Variants in LDLRAD4 observed in about 807,000 individuals in gnomAD.
LDLRAD4 encodes low density lipoprotein receptor class A domain containing 4.
A neutral mutation model predicts 17.0 loss-of-function variants in LDLRAD4; 5 were observed. That is an observed-to-expected ratio of 0.29 (90% CI 0.15 to 0.62). The LOEUF is 0.62. LDLRAD4 is among the 20% of genes least tolerant of loss of function. The pLI is 0.84. For synonymous variants in LDLRAD4, 168 were observed against 171.8 expected, an observed-to-expected ratio of 0.98 and a Z score of 0.17; for missense variants, 340 against 424.7, an observed-to-expected ratio of 0.80 and a Z score of 1.75.
chr18:13,416,422 T>A (rs1233164109), intron 2 of LDLRAD4, among the ~76,000 whole-genome samples: 1 of 152,226 alleles, frequency 6.6e-6, no homozygotes, highest in Non-Finnish European at 1.5e-5. Context: ...GTTTAGTGGT[T>A]GGTGGTTCCA....
At chr18:13,304,858 G>A (rs926958527) in intron 1 of LDLRAD4, among the ~76,000 whole-genome samples, 2 of 152,248 alleles carry the variant, frequency 1.3e-5, no homozygotes, top group African/African-American at 4.8e-5. Flanking sequence ...AGATGACACA[G>A]CAGACGGAAG....
At chr18:13,417,495 C>T (rs1030444759) in intron 2 of LDLRAD4, among the ~76,000 whole-genome samples, 33 of 150,914 alleles carry the variant, frequency 2.2e-4, no homozygotes, top group South Asian at 4.2e-4. Context: ...TGCAGTGGCG[C>T]GATCTCGGCT....
intron 3 of LDLRAD4, among the ~76,000 whole-genome samples, chr18:13,478,453 C>A (rs1029272981): frequency 6.6e-6 from 1 of 152,198 alleles, no homozygotes; most frequent in African/African-American, 2.4e-5. Flanking sequence ...TGCCTAAAAT[C>A]CTTGCTTGGC....
At chr18:13,446,726 G>T (rs1015229284) in intron 3 of LDLRAD4, among the ~76,000 whole-genome samples, 2 of 152,232 alleles carry the variant, frequency 1.3e-5, no homozygotes, top group African/African-American at 4.8e-5. Flanking sequence ...CAGCATGGGG[G>T]CGGCTCTGTT....
chr18:13,359,247 G>A (rs2083517318), intron 1 of LDLRAD4, among the ~76,000 whole-genome samples: 1 of 152,212 alleles, frequency 6.6e-6, no homozygotes, highest in Non-Finnish European at 1.5e-5. Flanking sequence ...CACAGGAGAA[G>A]CAGCTGAGGA....
chr18:13,226,724 A>AAAATG (rs2041826266), intron 1 of LDLRAD4, among the ~76,000 whole-genome samples: 1 of 147,566 alleles, frequency 6.8e-6, no homozygotes, highest in Admixed American at 6.6e-5. Context: ...AAAATAAAAT[A>AAAATG]AAATAAAATA....
intron 3 of LDLRAD4, among the ~76,000 whole-genome samples, chr18:13,584,505 C>T (rs1012045181): frequency 6.6e-5 from 10 of 152,126 alleles, no homozygotes; most frequent in African/African-American, 2.4e-4. Context: ...AACAGGAGCT[C>T]ATCCGTGTTG....
At chr18:13,389,872 C>G (rs1459825602) in intron 2 of LDLRAD4, among the ~76,000 whole-genome samples, 1 of 152,210 alleles carries the variant, frequency 6.6e-6, no homozygotes, top group Admixed American at 6.5e-5. Flanking sequence ...GACAGTACCT[C>G]TCACATATTA....
intron 3 of LDLRAD4, among the ~76,000 whole-genome samples, chr18:13,573,197 C>T (rs781637914): frequency 7.9e-5 from 12 of 152,316 alleles, no homozygotes; most frequent in African/African-American, 1.7e-4. Context: ...CTCCGCCTCC[C>T]GGGTTGAAGC....
intron 3 of LDLRAD4, among the ~76,000 whole-genome samples, chr18:13,555,067 G>A (rs936110107): frequency 6.6e-6 from 1 of 152,142 alleles, no homozygotes; most frequent in African/African-American, 2.4e-5. Context: ...GGAGAATTCT[G>A]CAAAATACCT....
chr18:13,373,992 C>G (rs1217101380), intron 1 of LDLRAD4, among the ~76,000 whole-genome samples: 2 of 151,866 alleles, frequency 1.3e-5, no homozygotes, highest in African/African-American at 4.8e-5. Context: ...CATATTTCCA[C>G]CATGCAAACG....
intron 1 of LDLRAD4, among the ~76,000 whole-genome samples, chr18:13,272,467 T>C (rs2044617051): frequency 6.6e-6 from 1 of 152,204 alleles, no homozygotes; most frequent in Non-Finnish European, 1.5e-5. Flanking sequence ...GAAGAGACTT[T>C]CATTTCTATT....
At chr18:13,459,159 CAAAAAAAAAAAAA>C (rs534798084) in intron 3 of LDLRAD4, among the ~76,000 whole-genome samples, 3 of 53,736 alleles carry the variant, frequency 5.6e-5, no homozygotes, top group African/African-American at 1.2e-4. Flanking sequence ...ATCTCTACAC[CAAAAAAAAAAAAA>C]AAAAAAAAAA....
chr18:13,324,966 T>C (rs1214877070), intron 1 of LDLRAD4, among the ~76,000 whole-genome samples: 1 of 152,172 alleles, frequency 6.6e-6, no homozygotes, highest in East Asian at 1.9e-4. Flanking sequence ...GCGTCTCTTG[T>C]TCAGTAAATC....
chr18:13,643,415 A>G lies in LDLRAD4; in HGVS notation c.390+3A>G, dbSNP rs756538867. ...CACCGCGGCTGGGCGCCTCGGAGGTAAGGGGCCCCAGGAGGTGATGGCTGC... is the reference window on the plus strand; with the variant it reads ...CACCGCGGCTGGGCGCCTCGGAGGTGAGGGGCCCCAGGAGGTGATGGCTGC... On this transcript the variant is annotated splice_donor_region_variant and intron_variant, in intron 5 of 5. Transcript: ENST00000359446. The G allele has an allele frequency of 5.8e-5, 54 of 928,412 alleles. No homozygotes were observed. Among genetic ancestry groups the G allele is most frequent in the Non-Finnish European group, 6.8e-5 (52 of 762,136 alleles). The allele number at this position is 928,412 out of a possible 1,614,324, so 57.5% of individuals were successfully genotyped here.
intron 3 of LDLRAD4, among the ~76,000 whole-genome samples, chr18:13,535,770 T>C (rs1196499467): frequency 6.6e-6 from 1 of 152,226 alleles, no homozygotes; most frequent in East Asian, 1.9e-4. Flanking sequence ...TTTTCTTCTA[T>C]AAGTTTAACA....
chr18:13,288,044 C>G (rs530468855), intron 1 of LDLRAD4, among the ~76,000 whole-genome samples: 2 of 152,338 alleles, frequency 1.3e-5, no homozygotes, highest in East Asian at 1.9e-4. Context: ...AGTGATCACT[C>G]TATTCCGTGA....
At chr18:13,472,610 C>A (rs887239196) in intron 3 of LDLRAD4, 2 of 152,242 alleles carry the variant, frequency 1.3e-5, no homozygotes, top group Non-Finnish European at 2.9e-5. Flanking sequence ...CCACTCCCAT[C>A]CACTCTGTCT....
At chr18:13,509,823 C>T (rs2093749822) in intron 3 of LDLRAD4, among the ~76,000 whole-genome samples, 1 of 152,188 alleles carries the variant, frequency 6.6e-6, no homozygotes, top group South Asian at 2.1e-4. Flanking sequence ...CTTCAGCAAC[C>T]ACCACTGTGA....
Sources: gnomAD v4.1 joint callset for allele counts (sites outside exome capture counted in the v4.1 genomes callset) on GRCh38, gnomAD v4.1.1 for gene constraint, MANE v1.5 for transcripts, NCBI Gene and HGNC (gene_info 2026-07-23, HGNC 2026-07-21) for gene names.